Variants in SIPA1L3 observed in about 807,000 individuals in gnomAD.
SIPA1L3 encodes the protein signal induced proliferation associated 1 like 3.
In SIPA1L3, 59 loss-of-function variants were observed where a neutral mutation model predicts 150.1. That is an observed-to-expected ratio of 0.39 (90% CI 0.32 to 0.49). The LOEUF (loss-of-function observed/expected upper bound fraction) is 0.49. SIPA1L3 is among the 20% of genes least tolerant of loss of function. The probability of loss-of-function intolerance (pLI) is 0.86; values close to 1 mark genes in which losing one functional copy is unlikely to be tolerated. For synonymous variants in SIPA1L3, 1,070 were observed against 1,077.6 expected, an observed-to-expected ratio of 0.99 and a Z score of 0.14; for missense variants, 2,211 against 2,489.5, an observed-to-expected ratio of 0.89 and a Z score of 2.38.
At chr19:38,198,273 G>A in intron 18 of SIPA1L3, 116 bp from the exon 19 acceptor site, 1 of 1,235,064 alleles carries the variant, frequency 8.1e-7, no homozygotes, top group Non-Finnish European at 1.1e-6. Flanking sequence ...CCCTTACCCT[G>A]CTGGAGGTTT....
chr19:38,001,217 A>C lies in SIPA1L3; in HGVS notation c.-378-27872A>C, dbSNP rs144879422. Among the ~76,000 whole-genome samples the C allele has an allele frequency of 4.5e-3, 681 of 151,824 alleles. 7 individuals are homozygous for C. The highest frequency in any genetic ancestry group is 0.016 in the African/African-American group (658 of 41,396). ...TGTTTGAGTGTCCAGAGACGTTTGCACCCCACCCTTCCTTAAGGTGTACTT... is the reference window on the plus strand; with the variant it reads ...TGTTTGAGTGTCCAGAGACGTTTGCCCCCCACCCTTCCTTAAGGTGTACTT... On this transcript the variant is annotated intron_variant, in intron 1 of 21. Coordinates refer to ENST00000222345, the MANE Select transcript of SIPA1L3 (RefSeq NM_015073.3).
intron 2 of SIPA1L3, among the ~76,000 whole-genome samples, chr19:38,040,117 A>G (rs931350963): frequency 1.3e-5 from 2 of 152,206 alleles, no homozygotes; most frequent in African/African-American, 4.8e-5. Context: ...TGTCTCAAGG[A>G]AAAAAGAGAA....
intron 15 of SIPA1L3, among the ~76,000 whole-genome samples, chr19:38,173,050 C>T (rs1202463604): frequency 1.3e-5 from 2 of 151,934 alleles, no homozygotes; most frequent in Non-Finnish European, 2.9e-5. Flanking sequence ...TGCAGTGAGC[C>T]GAGATCACAT....
intron 7 of SIPA1L3, 42 bp from the exon 8 acceptor site, chr19:38,110,185 A>T: frequency 6.2e-7 from 1 of 1,603,904 alleles, no homozygotes; most frequent in Non-Finnish European, 8.5e-7. Flanking sequence ...CGTCAGGCCG[A>T]CCTGTGACAG....
chr19:38,187,067 C>A (rs1406812833), intron 16 of SIPA1L3, among the ~76,000 whole-genome samples: 1 of 150,538 alleles, frequency 6.6e-6, no homozygotes, highest in Non-Finnish European at 1.5e-5. Flanking sequence ...GTAATCCCAG[C>A]ACTCTGGAAG....
chr19:38,116,525 C>CAAA lies in SIPA1L3; in HGVS notation c.2292-2767_2292-2765dup, dbSNP rs1197701775. 1.4e-3 allele frequency among the ~76,000 whole-genome samples: 117 copies of CAAA among 83,432 alleles called. 3 individuals carry two copies. Among genetic ancestry groups the CAAA allele is most frequent in the Middle Eastern group, 7.8e-3 (1 of 128 alleles). 54.7% of individuals were successfully genotyped at this position (83,432 alleles called of 152,430 possible). On this transcript the variant is annotated intron_variant, in intron 8 of 21. Coordinates refer to ENST00000222345, the MANE Select transcript of SIPA1L3 (RefSeq NM_015073.3). ...GCAACAGAGCAGCAAGACTCTGTCT[C>CAAA]AAAAAAAAAAAAAAAAGAAAGAAAG...
At chr19:38,137,006 G>A (rs1971449800) in intron 10 of SIPA1L3, among the ~76,000 whole-genome samples, 1 of 152,200 alleles carries the variant, frequency 6.6e-6, no homozygotes, top group Admixed American at 6.5e-5. Flanking sequence ...TGCAGACTCT[G>A]CTAACGCTCA....
At chr19:37,920,318 A>T (rs2046448212) in intron 1 of SIPA1L3, among the ~76,000 whole-genome samples, 1 of 151,940 alleles carries the variant, frequency 6.6e-6, no homozygotes, top group African/African-American at 2.4e-5. Flanking sequence ...TTTCCTCCCA[A>T]AGTGTTGAGA....
chr19:37,941,154 T>C (rs1049874695), intron 1 of SIPA1L3, among the ~76,000 whole-genome samples: 1 of 150,796 alleles, frequency 6.6e-6, no homozygotes, highest in Admixed American at 6.6e-5. Context: ...GGGCTAGCCG[T>C]CCTCCTAGGT....
chr19:38,058,291 G>A (rs780304457), intron 2 of SIPA1L3, among the ~76,000 whole-genome samples: 1 of 152,160 alleles, frequency 6.6e-6, no homozygotes, highest in Non-Finnish European at 1.5e-5. Context: ...CATAACTAGA[G>A]CCTTTCTAGA....
At chr19:37,930,825 C>A (rs1218919392) in intron 1 of SIPA1L3, among the ~76,000 whole-genome samples, 1 of 148,804 alleles carries the variant, frequency 6.7e-6, no homozygotes, top group Non-Finnish European at 1.5e-5. Flanking sequence ...TGCTTAGACA[C>A]CCCTCCCCCC....
At chr19:38,130,442 TCCAGAGGAGCTGAC>T in intron 9 of SIPA1L3, 42 bp from the exon 10 acceptor site, 1 of 1,556,246 alleles carries the variant, frequency 6.4e-7, no homozygotes, top group Non-Finnish European at 8.7e-7. Context: ...CCAGGGGTCT[TCCAGAGGAGCTGAC>T]CCAAGCAGCT....
At chr19:38,175,035 G>T (rs143280830) in intron 15 of SIPA1L3, among the ~76,000 whole-genome samples, 1 of 151,942 alleles carries the variant, frequency 6.6e-6, no homozygotes, top group Non-Finnish European at 1.5e-5. Flanking sequence ...TTAAAATATC[G>T]TCTCTCAAAC....
intron 1 of SIPA1L3, among the ~76,000 whole-genome samples, chr19:38,023,156 A>C (rs1195618550): frequency 6.6e-6 from 1 of 152,188 alleles, no homozygotes; most frequent in Non-Finnish European, 1.5e-5. Flanking sequence ...GGCTGGAGGC[A>C]GGACCACCGT....
intron 1 of SIPA1L3, among the ~76,000 whole-genome samples, chr19:38,027,136 A>G (rs894256447): frequency 3.3e-5 from 5 of 152,164 alleles, no homozygotes; most frequent in African/African-American, 1.2e-4. Flanking sequence ...TACTAAAAAT[A>G]CAAAAATTAC....
rs187423846 is a variant in SIPA1L3 at position 37,947,151 on chromosome 19, G to A, written c.-379+39793G>A. Among the ~76,000 whole-genome samples the A allele has an allele frequency of 2.4e-4, 37 of 152,050 alleles. No individual in the cohort carries two copies. The Middle Eastern group carries it at 0.01, about 42-fold the overall frequency. On this transcript the variant is annotated intron_variant, in intron 1 of 21. Coordinates refer to ENST00000222345, the MANE Select transcript of SIPA1L3 (RefSeq NM_015073.3). The stretch of plus-strand genomic sequence containing the variant: ...CAAGATTATAGTGAGCTGGGATTGC[G>A]CCACTGCACTCCAGCCTGGGCAACA...
rs1295014592 is a variant in SIPA1L3 at position 38,046,876 on chromosome 19, T to G, written c.-311+17720T>G. ...GGAGGGGGCTCTCTTTGAGAGCACT[T>G]GGGTGTATCGTGTCTCAGAAAACCC... On this transcript the variant is annotated intron_variant, in intron 2 of 21. Coordinates refer to ENST00000222345, the MANE Select transcript of SIPA1L3 (RefSeq NM_015073.3). This position sits in a 1 kb window ranked among gnomAD's most constrained non-coding sequence, Gnocchi z 5.6. Among the ~76,000 whole-genome samples, 1 of 152,138 alleles carries G rather than the reference T, an allele frequency of 6.6e-6. No homozygotes were observed. The highest frequency in any genetic ancestry group is 1.5e-5 in the Non-Finnish European group (1 of 68,012).
chr19:37,920,394 T>C (rs2046448678), intron 1 of SIPA1L3, among the ~76,000 whole-genome samples: 1 of 152,154 alleles, frequency 6.6e-6, no homozygotes, highest in Non-Finnish European at 1.5e-5. Context: ...CATGCTGAAA[T>C]ATCTATGATT....
chr19:38,151,961 C>CAAA lies in SIPA1L3; in HGVS notation c.3534-859_3534-857dup, dbSNP rs35851181. Reference sequence around the variant, plus strand: ...TGGTTGACAGAGCAAGACCCCATCTCAAAAAAAAAAAAAAAAAAAAAATAG... The same window carrying CAAA: ...TGGTTGACAGAGCAAGACCCCATCTCAAAAAAAAAAAAAAAAAAAAAAAAATAG... On this transcript the variant is annotated intron_variant, in intron 12 of 21. Transcript: ENST00000222345. Among the ~76,000 whole-genome samples the CAAA allele has an allele frequency of 2.8e-3, 242 of 85,322 alleles. 1 individual carries two copies. The highest frequency in any genetic ancestry group is 7.2e-3 in the Middle Eastern group (1 of 138). The allele number at this position is 85,322 out of a possible 152,430, so 56.0% of individuals were successfully genotyped here.
Sources: allele counts gnomAD v4.1 joint callset (sites outside exome capture counted in the v4.1 genomes callset), GRCh38; gene constraint gnomAD v4.1.1; non-coding constraint Gnocchi (gnomAD v3.1); transcripts MANE v1.5; gene names NCBI Gene and HGNC (gene_info 2026-07-23, HGNC 2026-07-21).